FER: variants seen among roughly 807,000 people sequenced by gnomAD.
FER encodes the protein tyrosine-protein kinase Fer.
A neutral mutation model predicts 111.0 loss-of-function variants in FER; 63 were observed. The ratio of observed to expected loss-of-function variants is 0.57; its 90% CI spans 0.46 to 0.70. The LOEUF (loss-of-function observed/expected upper bound fraction) is 0.70. Among genes scored for constraint, FER ranks in the 30% least tolerant of loss-of-function variants. FER has a pLI of 0.00. For missense variants in FER, 914 were observed against 954.0 expected (o/e 0.96, Z 0.55); for synonymous variants, 327 against 313.9 (o/e 1.04, Z -0.44).
chr5:109,155,953 C>G lies in FER; in HGVS notation c.2049-24794C>G, dbSNP rs1292552101. On this transcript the variant is annotated intron_variant, in intron 17 of 19. Transcript: ENST00000281092. ...AGGAAAGGGGTTCTAATTGATAATACAGTTAAGTGGATTTGTAACAAGTGG... is the reference window on the plus strand; with the variant it reads ...AGGAAAGGGGTTCTAATTGATAATAGAGTTAAGTGGATTTGTAACAAGTGG... Among the ~76,000 whole-genome samples the G allele has an allele frequency of 2.6e-5, 4 of 151,836 alleles. No homozygotes were observed. In the South Asian group the frequency reaches 8.3e-4, roughly 31 times the overall value.
At chr5:109,087,364 A>G (rs1422466359) in intron 16 of FER, among the ~76,000 whole-genome samples, 1 of 151,836 alleles carries the variant, frequency 6.6e-6, no homozygotes, top group African/African-American at 2.4e-5. Context: ...TGTTGAGTGT[A>G]GAATTCTATG....
At chr5:108,964,711 A>G (rs1029961705) in intron 13 of FER, among the ~76,000 whole-genome samples, 3 of 152,222 alleles carry the variant, frequency 2.0e-5, no homozygotes, top group Admixed American at 6.5e-5. Flanking sequence ...ATAAAATTTT[A>G]CAAGTTTTCA....
chr5:109,042,736 G>C (rs1313019199), intron 14 of FER, among the ~76,000 whole-genome samples: 1 of 152,130 alleles, frequency 6.6e-6, no homozygotes, highest in Non-Finnish European at 1.5e-5. Context: ...CATAAGAAAT[G>C]GATTTAAAGA....
At chr5:108,998,225 A>T (rs1229985395) in intron 13 of FER, among the ~76,000 whole-genome samples, 1 of 149,950 alleles carries the variant, frequency 6.7e-6, no homozygotes, top group South Asian at 2.1e-4. Context: ...CTAGCTAGGT[A>T]CTGCCCAAAC....
intron 17 of FER, among the ~76,000 whole-genome samples, chr5:109,170,952 G>A (rs564749921): frequency 6.6e-6 from 1 of 152,258 alleles, no homozygotes; most frequent in East Asian, 1.9e-4. Context: ...TCATATGCTA[G>A]CCACCAGCTG....
intron 17 of FER, among the ~76,000 whole-genome samples, chr5:109,172,523 T>C (rs1481784159): frequency 7.2e-6 from 1 of 138,402 alleles, no homozygotes; most frequent in Admixed American, 7.0e-5. Flanking sequence ...TTAGGAGATA[T>C]ACCTAATGCT....
intron 16 of FER, among the ~76,000 whole-genome samples, chr5:109,078,166 C>T (rs1028711717): frequency 6.6e-6 from 1 of 152,048 alleles, no homozygotes; most frequent in Non-Finnish European, 1.5e-5. Flanking sequence ...ACAAAAGGAG[C>T]AAAATGAAAG....
intron 16 of FER, among the ~76,000 whole-genome samples, chr5:109,094,351 C>T (rs79438249): frequency 0.034 from 5,202 of 152,080 alleles, 144 homozygotes; most frequent in South Asian, 0.084. Context: ...ATCCCAAATC[C>T]GAAATTCAAA....
chr5:108,752,216 C>G (rs1246412169), intron 1 of FER, among the ~76,000 whole-genome samples: 1 of 152,014 alleles, frequency 6.6e-6, no homozygotes, highest in African/African-American at 2.4e-5. Context: ...CCCTTCCCTC[C>G]CTTCCTCCTT....
At chr5:109,074,355 T>A (rs962972581) in intron 16 of FER, among the ~76,000 whole-genome samples, 4 of 152,054 alleles carry the variant, frequency 2.6e-5, no homozygotes, top group African/African-American at 9.7e-5. Flanking sequence ...GAAACCAGAG[T>A]AGAGCTGTTA....
intron 3 of FER, among the ~76,000 whole-genome samples, chr5:108,808,925 C>T (rs1313493681): frequency 6.6e-6 from 1 of 152,298 alleles, no homozygotes; most frequent in South Asian, 2.1e-4. Context: ...CTAATCTTCC[C>T]TGGCTTAGAA....
intron 6 of FER, among the ~76,000 whole-genome samples, 158 bp from the exon 7 acceptor site, chr5:108,871,204 CTCT>C (rs1220835466): frequency 6.6e-6 from 1 of 152,024 alleles, no homozygotes; most frequent in African/African-American, 2.4e-5. Flanking sequence ...TATATAATCC[CTCT>C]TCTTTACTCT....
chr5:109,104,731 A>G (rs1021618813), intron 17 of FER, among the ~76,000 whole-genome samples: 5 of 152,252 alleles, frequency 3.3e-5, no homozygotes, highest in Non-Finnish European at 5.9e-5. Context: ...GAAAATGTAT[A>G]TGAGACCAAT....
At chr5:108,950,254 A>C (rs1757539641) in intron 11 of FER, among the ~76,000 whole-genome samples, 1 of 152,166 alleles carries the variant, frequency 6.6e-6, no homozygotes, top group South Asian at 2.1e-4. Flanking sequence ...ACTAATGCTT[A>C]TCTCTGATTA....
chr5:108,899,759 G>A (rs1006164615), intron 10 of FER, among the ~76,000 whole-genome samples: 7 of 150,852 alleles, frequency 4.6e-5, no homozygotes, highest in Admixed American at 3.3e-4. Context: ...AGCTGAGATC[G>A]TGCCACTGCA....
chr5:108,930,868 C>T (rs1754569202), intron 10 of FER, among the ~76,000 whole-genome samples: 1 of 151,806 alleles, frequency 6.6e-6, no homozygotes, highest in Admixed American at 6.6e-5. Flanking sequence ...TCTGCCTTGG[C>T]CTCCCAAAGT....
At chr5:109,035,260 T>A (rs1032620371) in intron 13 of FER, among the ~76,000 whole-genome samples, 1 of 152,052 alleles carries the variant, frequency 6.6e-6, no homozygotes, top group Non-Finnish European at 1.5e-5. Context: ...AACATTTTTA[T>A]AACCCCCCGC....
In FER at chr5:109,058,958, T is replaced by C. The variant is rs528926614; in HGVS notation, c.1924+11760T>C. ...TTTCACCATGTTGGTCAGGCTGGTC[T>C]CGAACTCCTGACCTCAGGTAATACA... On this transcript the variant is annotated intron_variant, in intron 16 of 19. Transcript: ENST00000281092. Among the ~76,000 whole-genome samples the C allele has an allele frequency of 1.6e-4, 24 of 152,032 alleles. No individual in the cohort carries two copies. The South Asian group carries it at 4.6e-3, about 29-fold the overall frequency.
At chr5:108,959,376 T>C in intron 13 of FER, 29 bp downstream of exon 13, 1 of 1,557,228 alleles carries the variant, frequency 6.4e-7, no homozygotes, top group East Asian at 2.3e-5. Flanking sequence ...TTTTGTCTGT[T>C]TGTTTTAAAA....
Sources: gnomAD v4.1 joint callset for allele counts (sites outside exome capture counted in the v4.1 genomes callset) on GRCh38, gnomAD v4.1.1 for gene constraint, MANE v1.5 for transcripts, NCBI Gene and HGNC (gene_info 2026-07-23, HGNC 2026-07-21) for gene names.